Variants in FARS2 observed in about 807,000 individuals in gnomAD.
FARS2 encodes the protein phenylalanine--tRNA ligase, mitochondrial.
Under a neutral mutation model 46.4 loss-of-function variants are expected in FARS2, and 40 were observed. That is an observed-to-expected ratio of 0.86 (90% CI 0.67 to 1.12). The LOEUF (loss-of-function observed/expected upper bound fraction) is 1.12, where lower values mean the gene tolerates loss of function less well. Among genes scored for constraint, FARS2 ranks in the 50% most tolerant of loss-of-function variants. FARS2 has a pLI of 0.00. For synonymous variants in FARS2, 234 were observed against 214.9 expected (o/e 1.09, Z -0.78); for missense variants, 513 against 567.9 (o/e 0.90, Z 0.98).
At chr6:5,326,972 G>A (rs988070581) in intron 1 of FARS2, among the ~76,000 whole-genome samples, 1 of 152,138 alleles carries the variant, frequency 6.6e-6, no homozygotes, top group Admixed American at 6.5e-5. Context: ...GACATTAAAC[G>A]TGTGAATCAC....
chr6:5,765,833 G>C lies in FARS2; in HGVS notation c.1218-5458G>C, dbSNP rs181409520. ...GGCAGATACTGGGTCCCCTTCATGT[G>C]CTTCTCTGTGTCCAACTCAGTGACT... is the stretch of plus-strand genomic sequence containing the variant. On this transcript the variant is annotated intron_variant, in intron 6 of 6. Transcript: ENST00000274680. The surrounding 1 kb of genome is among the most constrained non-coding windows in gnomAD (Gnocchi z 4.0). Among the ~76,000 whole-genome samples, 1 of 152,232 alleles carries C rather than the reference G, an allele frequency of 6.6e-6. No homozygotes were observed. Among genetic ancestry groups the C allele is most frequent in the Non-Finnish European group, 1.5e-5 (1 of 68,030 alleles).
intron 6 of FARS2, among the ~76,000 whole-genome samples, chr6:5,734,492 C>G (rs564447543): frequency 6.6e-6 from 1 of 152,168 alleles, no homozygotes; most frequent in Non-Finnish European, 1.5e-5. Context: ...AGCTTGTGCT[C>G]TCTATTTGAG....
chr6:5,664,234 C>A (rs1052163295), intron 6 of FARS2, among the ~76,000 whole-genome samples: 1 of 152,222 alleles, frequency 6.6e-6, no homozygotes, highest in Non-Finnish European at 1.5e-5. Flanking sequence ...ATAGGAACTC[C>A]CCTGTGCTGG....
intron 6 of FARS2, among the ~76,000 whole-genome samples, chr6:5,737,630 A>G (rs2150946692): frequency 6.6e-6 from 1 of 152,350 alleles, no homozygotes; most frequent in South Asian, 2.1e-4. Flanking sequence ...CCTAGCCTGC[A>G]TGCATAACTT....
At chr6:5,639,426 A>C (rs917979068) in intron 6 of FARS2, among the ~76,000 whole-genome samples, 1 of 152,222 alleles carries the variant, frequency 6.6e-6, no homozygotes, top group East Asian at 1.9e-4. Context: ...CCCTGTACTT[A>C]AAAGAACTCC....
At chr6:5,722,411 C>T (rs553505135) in intron 6 of FARS2, among the ~76,000 whole-genome samples, 57 of 152,322 alleles carry the variant, frequency 3.7e-4, no homozygotes, top group African/African-American at 1.3e-3. Context: ...AAACAAAATA[C>T]ATCAGGGGTG....
chr6:5,409,135 T>A (rs1186724374), intron 3 of FARS2, among the ~76,000 whole-genome samples: 4 of 152,192 alleles, frequency 2.6e-5, no homozygotes, highest in African/African-American at 9.6e-5. Context: ...ATGGTGGGCA[T>A]GATCCTGGCC....
At chr6:5,356,406 G>A (rs1193216938) in intron 1 of FARS2, among the ~76,000 whole-genome samples, 4 of 152,128 alleles carry the variant, frequency 2.6e-5, no homozygotes, top group African/African-American at 9.7e-5. Context: ...AGCTGAGATG[G>A]CACCATTGCA....
At chr6:5,330,326 TTTC>T in intron 1 of FARS2, among the ~76,000 whole-genome samples, 1 of 152,202 alleles carries the variant, frequency 6.6e-6, no homozygotes, top group Non-Finnish European at 1.5e-5. Context: ...GTGATTTCCC[TTTC>T]TTTGAACATC....
At chr6:5,273,593 C>G (rs1039863055) in intron 1 of FARS2, among the ~76,000 whole-genome samples, 1 of 152,014 alleles carries the variant, frequency 6.6e-6, no homozygotes. Flanking sequence ...TTTGCAAATA[C>G]TTTTTCCTAT....
chr6:5,315,738 T>TTTCTTTCTTTC, intron 1 of FARS2, among the ~76,000 whole-genome samples: 2,090 of 125,202 alleles, frequency 0.017, 57 homozygotes, highest in African/African-American at 0.059. Flanking sequence ...TTCTTTCTTT[T>TTTCTTTCTTTC]TTCCTTTCTT....
intron 5 of FARS2, among the ~76,000 whole-genome samples, chr6:5,563,319 A>G (rs2150542570): frequency 6.6e-6 from 1 of 152,308 alleles, no homozygotes; most frequent in Non-Finnish European, 1.5e-5. Context: ...ATGTGGGGGC[A>G]GCCACATTGC....
intron 1 of FARS2, chr6:5,291,266 G>A (rs1476621518): frequency 6.6e-6 from 1 of 152,162 alleles, no homozygotes; most frequent in Non-Finnish European, 1.5e-5. Context: ...CAAGAAGCTG[G>A]TGCTTAACCT....
chr6:5,324,424 G>A (rs1037793551), intron 1 of FARS2, among the ~76,000 whole-genome samples: 4 of 137,208 alleles, frequency 2.9e-5, no homozygotes, highest in African/African-American at 1.1e-4. Context: ...TGGTATTATT[G>A]TGGGAAAGAG....
intron 6 of FARS2, among the ~76,000 whole-genome samples, chr6:5,690,557 C>T (rs1251606211): frequency 4.6e-5 from 7 of 151,330 alleles, no homozygotes; most frequent in Non-Finnish European, 1.0e-4. Context: ...GAGTTTCTGC[C>T]GAGAGATCCG....
intron 4 of FARS2, among the ~76,000 whole-genome samples, chr6:5,522,024 G>A (rs1769172350): frequency 6.6e-6 from 1 of 152,202 alleles, no homozygotes; most frequent in African/African-American, 2.4e-5. Flanking sequence ...GATTCCTCTT[G>A]TGTACCAGAA....
At chr6:5,279,977 C>T (rs920209766) in intron 1 of FARS2, among the ~76,000 whole-genome samples, 7 of 152,178 alleles carry the variant, frequency 4.6e-5, no homozygotes, top group African/African-American at 7.2e-5. Flanking sequence ...GTCATGTTGA[C>T]GTAAGACTAA....
intron 4 of FARS2, among the ~76,000 whole-genome samples, chr6:5,496,066 C>T (rs1767443367): frequency 6.6e-6 from 1 of 152,312 alleles, no homozygotes; most frequent in South Asian, 2.1e-4. Context: ...TGACTCCCCA[C>T]CCCCAGCTAA....
At chr6:5,665,648 A>G (rs1778076678) in intron 6 of FARS2, among the ~76,000 whole-genome samples, 1 of 152,240 alleles carries the variant, frequency 6.6e-6, no homozygotes, top group African/African-American at 2.4e-5. Context: ...GATCTGGGAT[A>G]GAGAGAAGGA....
Sources: allele counts gnomAD v4.1 joint callset (sites outside exome capture counted in the v4.1 genomes callset), GRCh38; gene constraint gnomAD v4.1.1; non-coding constraint Gnocchi (gnomAD v3.1); transcripts MANE v1.5; gene names NCBI Gene and HGNC (gene_info 2026-07-23, HGNC 2026-07-21).